Variants in CSMD1 observed in about 807,000 individuals in gnomAD.
CSMD1 encodes the protein CUB and Sushi multiple domains 1.
In CSMD1, 213 loss-of-function variants were observed where a neutral mutation model predicts 417.5. The observed-to-expected ratio is 0.51, with a 90% confidence interval of 0.46 to 0.57. The LOEUF is 0.57. Among genes scored for constraint, CSMD1 ranks in the 20% least tolerant of loss-of-function variants. The pLI is 0.00. For missense variants in CSMD1, 6,923 were observed against 4,529.7 expected (o/e 1.53, Z -15.17); for synonymous variants, 2,862 against 1,736.8 (o/e 1.65, Z -16.11).
chr8:3,190,153 C>T (rs559365890), intron 33 of CSMD1, 38 bp from the exon 34 acceptor site: 1 of 1,511,960 alleles, frequency 6.6e-7, no homozygotes, highest in South Asian at 1.2e-5. Flanking sequence ...TCTGTATCTC[C>T]ATCAGCAAGC....
intron 5 of CSMD1, among the ~76,000 whole-genome samples, chr8:3,815,650 A>C: frequency 6.6e-6 from 1 of 151,442 alleles, no homozygotes; most frequent in Non-Finnish European, 1.5e-5. Flanking sequence ...TTAACAAATA[A>C]ACAACCTAGA....
At chr8:3,618,747 T>G (rs1049609009) in intron 7 of CSMD1, among the ~76,000 whole-genome samples, 2 of 152,076 alleles carry the variant, frequency 1.3e-5, no homozygotes, top group Non-Finnish European at 2.9e-5. Flanking sequence ...AAATGCCCAA[T>G]GAAGAAAAAG....
chr8:3,747,894 A>G (rs889001350), intron 6 of CSMD1, among the ~76,000 whole-genome samples: 1 of 152,138 alleles, frequency 6.6e-6, no homozygotes, highest in Non-Finnish European at 1.5e-5. Context: ...GAAGGTCCTC[A>G]GTGTGGCGAG....
intron 25 of CSMD1, among the ~76,000 whole-genome samples, chr8:3,303,978 T>A (rs1365906963): frequency 1.3e-5 from 2 of 151,666 alleles, no homozygotes; most frequent in Non-Finnish European, 2.9e-5. Flanking sequence ...GGTATTCGAT[T>A]ACCTCAAACA....
intron 9 of CSMD1, among the ~76,000 whole-genome samples, chr8:3,584,415 C>T (rs1417260818): frequency 6.6e-6 from 1 of 152,134 alleles, no homozygotes; most frequent in East Asian, 1.9e-4. Flanking sequence ...AACAGGAAAC[C>T]ACAAAGAATC....
In CSMD1 at chr8:4,486,136, TACATAC is replaced by T. The variant is rs1410044143; in HGVS notation, c.303-66077_303-66072del. ...ATATATACATACATATATATATATA[TACATAC>T]ATATATATATATATACATACATATA... On this transcript the variant is annotated intron_variant, in intron 2 of 69. Transcript: ENST00000635120. Among the ~76,000 whole-genome samples, 248 of 31,480 alleles carry T rather than the reference TACATAC, an allele frequency of 7.9e-3. 8 individuals are homozygous for T. Among genetic ancestry groups the T allele is most frequent in the African/African-American group, 0.026 (225 of 8,764 alleles). The allele number at this position is 31,480 out of a possible 152,430, so 20.7% of individuals were successfully genotyped here.
chr8:4,274,436 C>T (rs770891354), intron 3 of CSMD1, among the ~76,000 whole-genome samples: 7 of 151,978 alleles, frequency 4.6e-5, no homozygotes, highest in African/African-American at 1.7e-4. Flanking sequence ...GAGTTGCAAA[C>T]GCATTATTGA....
intron 3 of CSMD1, among the ~76,000 whole-genome samples, chr8:4,339,251 G>C (rs771456922): frequency 7.5e-4 from 114 of 152,220 alleles, no homozygotes; most frequent in Non-Finnish European, 1.5e-3. Context: ...TTATGGTCTT[G>C]GCCAGAGACA....
intron 3 of CSMD1, among the ~76,000 whole-genome samples, chr8:4,389,410 A>G (rs1378211826): frequency 1.3e-5 from 2 of 152,210 alleles, no homozygotes; most frequent in East Asian, 3.8e-4. Context: ...TAGACCATAG[A>G]AACATACGAA....
At chr8:4,530,357 G>A (rs943921010) in intron 2 of CSMD1, among the ~76,000 whole-genome samples, 1 of 81,836 alleles carries the variant, frequency 1.2e-5, no homozygotes, top group South Asian at 4.7e-4. Flanking sequence ...TTTCAGTGCT[G>A]GGATACACTT....
intron 41 of CSMD1, among the ~76,000 whole-genome samples, chr8:3,130,425 C>G (rs1247313285): frequency 1.3e-5 from 2 of 152,118 alleles, no homozygotes; most frequent in African/African-American, 2.4e-5. Context: ...TTCCCCTGCT[C>G]TACTCTTCCC....
intron 4 of CSMD1, among the ~76,000 whole-genome samples, chr8:4,003,847 A>ATTCAG (rs1554513397): frequency 6.6e-6 from 1 of 151,510 alleles, no homozygotes; most frequent in Non-Finnish European, 1.5e-5. Flanking sequence ...TATGTGAACT[A>ATTCAG]TTTAATCACA....
intron 3 of CSMD1, among the ~76,000 whole-genome samples, chr8:4,164,648 C>A (rs1797351931): frequency 6.6e-6 from 1 of 152,126 alleles, no homozygotes; most frequent in Admixed American, 6.5e-5. Context: ...GAGTCCCTCA[C>A]ACAAGACACG....
intron 3 of CSMD1, among the ~76,000 whole-genome samples, chr8:4,356,688 T>C (rs1287194159): frequency 8.5e-5 from 13 of 152,172 alleles, no homozygotes; most frequent in Non-Finnish European, 1.5e-5. Context: ...TCTTTCCATG[T>C]GTTTTGTCCT....
chr8:3,719,006 A>C (rs1801993019), intron 6 of CSMD1, among the ~76,000 whole-genome samples: 1 of 152,172 alleles, frequency 6.6e-6, no homozygotes, highest in Admixed American at 6.5e-5. Context: ...GGGGTGAGAC[A>C]ACGCGCTCAG....
intron 3 of CSMD1, among the ~76,000 whole-genome samples, chr8:4,084,444 A>G (rs1014535460): frequency 1.3e-5 from 2 of 152,184 alleles, no homozygotes; most frequent in South Asian, 2.1e-4. Context: ...CACCCTTTAC[A>G]TGATTTTGTT....
At chr8:3,415,402 G>A (rs1331268579) in intron 12 of CSMD1, among the ~76,000 whole-genome samples, 1 of 152,332 alleles carries the variant, frequency 6.6e-6, no homozygotes, top group Admixed American at 6.5e-5. Flanking sequence ...CTGTCACCCA[G>A]GCTGGAGTGC....
chr8:3,371,362 C>G (rs192409292), intron 18 of CSMD1, among the ~76,000 whole-genome samples: 150 of 152,246 alleles, frequency 9.9e-4, no homozygotes, highest in Admixed American at 5.1e-3. Flanking sequence ...ACAGCTCATT[C>G]CTGCTTGCTG....
intron 10 of CSMD1, among the ~76,000 whole-genome samples, chr8:3,520,364 T>C (rs1035560499): frequency 1.3e-5 from 2 of 152,132 alleles, no homozygotes; most frequent in African/African-American, 4.8e-5. Flanking sequence ...CTAATAATTA[T>C]GATCCTCAAA....
Sources: allele counts gnomAD v4.1 joint callset (sites outside exome capture counted in the v4.1 genomes callset), GRCh38; gene constraint gnomAD v4.1.1; transcripts MANE v1.5; gene names NCBI Gene and HGNC (gene_info 2026-07-23, HGNC 2026-07-21).